Variants in UBE2E2 observed in about 807,000 individuals in gnomAD.
UBE2E2 encodes the protein ubiquitin conjugating enzyme E2 E2.
UBE2E2 carries 6 observed loss-of-function variants against 24.7 expected under a neutral mutation model. The ratio of observed to expected loss-of-function variants is 0.24; its 90% CI spans 0.13 to 0.48. UBE2E2 has a LOEUF of 0.48. Ranked by LOEUF, UBE2E2 falls within the 20% of genes least tolerant of loss-of-function variation. The pLI is 0.99. For synonymous variants in UBE2E2, 104 were observed against 83.6 expected (o/e 1.24, Z -1.33); for missense variants, 169 against 245.0 (o/e 0.69, Z 2.07).
intron 3 of UBE2E2, among the ~76,000 whole-genome samples, chr3:23,444,130 C>T (rs1698372786): frequency 6.8e-6 from 1 of 147,672 alleles, no homozygotes; most frequent in African/African-American, 2.6e-5. Context: ...ACTTATGTCC[C>T]TCAAATGTCT....
intron 3 of UBE2E2, among the ~76,000 whole-genome samples, chr3:23,263,059 T>C (rs1053674821): frequency 2.0e-5 from 3 of 152,114 alleles, no homozygotes; most frequent in African/African-American, 7.2e-5. Context: ...GAACAAGAGA[T>C]GGAGAGAAGG....
At chr3:23,265,222 T>A (rs1203435031) in intron 3 of UBE2E2, among the ~76,000 whole-genome samples, 2 of 152,132 alleles carry the variant, frequency 1.3e-5, no homozygotes, top group Non-Finnish European at 2.9e-5. Flanking sequence ...GCAGTAATGA[T>A]TGATGCTGCA....
At chr3:23,535,215 C>G (rs1695224263) in intron 5 of UBE2E2, among the ~76,000 whole-genome samples, 2 of 152,204 alleles carry the variant, frequency 1.3e-5, no homozygotes, top group South Asian at 4.1e-4. Flanking sequence ...GCCTAAATCA[C>G]TGGATTCCTC....
At chr3:23,388,430 G>A (rs1696857289) in intron 3 of UBE2E2, among the ~76,000 whole-genome samples, 1 of 152,184 alleles carries the variant, frequency 6.6e-6, no homozygotes, top group East Asian at 1.9e-4. Flanking sequence ...TAGACATAGA[G>A]AAGTTATCTC....
intron 5 of UBE2E2, among the ~76,000 whole-genome samples, chr3:23,539,727 G>C (rs1398440656): frequency 6.6e-6 from 1 of 151,984 alleles, no homozygotes; most frequent in Non-Finnish European, 1.5e-5. Flanking sequence ...ATCCATTTCA[G>C]GTTTCTGATT....
In UBE2E2 at chr3:23,450,937, A is replaced by T. The variant is rs1372597666; in HGVS notation, c.228-48671A>T. Among the ~76,000 whole-genome samples, 3 of 152,230 alleles carry T rather than the reference A, an allele frequency of 2.0e-5. No individual in the cohort carries two copies. The East Asian group carries it at 5.8e-4, about 29-fold the overall frequency. ...GGGTTACTGAAATTACAGATTAATTAAATTTGTAGTTTTACTGGCTGAGAA... is the reference window on the plus strand; with the variant it reads ...GGGTTACTGAAATTACAGATTAATTTAATTTGTAGTTTTACTGGCTGAGAA... On this transcript the variant is annotated intron_variant, in intron 3 of 5. Transcript: ENST00000396703.
chr3:23,293,560 G>A (rs1349403748), intron 3 of UBE2E2, among the ~76,000 whole-genome samples: 2 of 152,272 alleles, frequency 1.3e-5, no homozygotes, highest in African/African-American at 4.8e-5. Flanking sequence ...GTTATGTTAT[G>A]GAGACCTTAA....
At chr3:23,351,861 A>C (rs1289524274) in intron 3 of UBE2E2, among the ~76,000 whole-genome samples, 1 of 152,196 alleles carries the variant, frequency 6.6e-6, no homozygotes. Flanking sequence ...CAGGAATTGA[A>C]CTCAGCTCTG....
At chr3:23,210,465 A>G (rs1317005771) in intron 2 of UBE2E2, among the ~76,000 whole-genome samples, 2 of 152,216 alleles carry the variant, frequency 1.3e-5, no homozygotes, top group South Asian at 2.1e-4. Flanking sequence ...GTGATATGTC[A>G]AAGACCAAAT....
At position 23,499,869 on chromosome 3, in the gene UBE2E2, T is replaced by C. The variant is rs1171910947; in HGVS notation, c.360+129T>C. ...GTCACAGACAGCTTCCCAGGATTGA[T>C]AGTGTATAAAATGAAACAATGTAAA... is the stretch of plus-strand genomic sequence containing the variant. On this transcript the variant is annotated intron_variant, in intron 4 of 5. Coordinates refer to ENST00000396703, the MANE Select transcript of UBE2E2 (RefSeq NM_152653.4). 22 of 1,153,814 alleles carry C rather than the reference T, an allele frequency of 1.9e-5. No homozygotes were observed. In the East Asian group the frequency reaches 5.0e-4, roughly 26 times the overall value. 71.5% of individuals were successfully genotyped at this position (1,153,814 alleles called of 1,614,324 possible).
At position 23,208,586 on chromosome 3, in the gene UBE2E2, T is replaced by A. The variant is rs1031537731; in HGVS notation, c.-8-106T>A. 1.3e-5 allele frequency: 12 copies of A among 903,914 alleles called. No individual in the cohort carries two copies. In the African/African-American group the frequency reaches 1.6e-4, roughly 12 times the overall value. The allele number at this position is 903,914 out of a possible 1,614,324, so 56.0% of individuals were successfully genotyped here. ...TTTTGTAAATGACCAATTTAATCCA[T>A]TTTATATTGAGATTTACTTGTTTTA... is the stretch of plus-strand genomic sequence containing the variant. On this transcript the variant is annotated intron_variant, in intron 1 of 5. Transcript: ENST00000396703.
At chr3:23,303,382 T>C (rs1699154797) in intron 3 of UBE2E2, among the ~76,000 whole-genome samples, 3 of 152,084 alleles carry the variant, frequency 2.0e-5, no homozygotes, top group Admixed American at 2.0e-4. Context: ...CCCGGGTGTG[T>C]GGAAAAATTG....
chr3:23,529,896 T>G (rs1248663477), intron 4 of UBE2E2, among the ~76,000 whole-genome samples: 2 of 152,218 alleles, frequency 1.3e-5, no homozygotes, highest in Admixed American at 6.5e-5. Context: ...TCATTAAATA[T>G]CTGTCTTCCT....
intron 3 of UBE2E2, among the ~76,000 whole-genome samples, chr3:23,222,739 T>C (rs1433032386): frequency 6.6e-6 from 1 of 152,188 alleles, no homozygotes; most frequent in Non-Finnish European, 1.5e-5. Flanking sequence ...ATACCCAGTA[T>C]AGGAATTGCT....
chr3:23,307,088 A>G (rs1699255076), intron 3 of UBE2E2, among the ~76,000 whole-genome samples: 1 of 152,230 alleles, frequency 6.6e-6, no homozygotes, highest in African/African-American at 2.4e-5. Context: ...ATTCAAAGAA[A>G]TGTAAAGAGT....
intron 3 of UBE2E2, among the ~76,000 whole-genome samples, chr3:23,352,547 G>A (rs545378729): frequency 4.1e-4 from 62 of 152,148 alleles, no homozygotes; most frequent in African/African-American, 1.5e-3. Context: ...AATGATAAAG[G>A]GGATATCACC....
chr3:23,413,943 A>G (rs1341168550), intron 3 of UBE2E2, among the ~76,000 whole-genome samples: 3 of 152,184 alleles, frequency 2.0e-5, no homozygotes, highest in East Asian at 1.9e-4. Context: ...ATATATCTGT[A>G]TATCTTGGTT....
chr3:23,518,107 A>G (rs2125472169), intron 4 of UBE2E2, among the ~76,000 whole-genome samples: 1 of 152,200 alleles, frequency 6.6e-6, no homozygotes, highest in East Asian at 1.9e-4. Context: ...TTTTTAGGGC[A>G]GTAGTCTTAC....
At chr3:23,396,953 A>T (rs1380570923) in intron 3 of UBE2E2, among the ~76,000 whole-genome samples, 1 of 152,148 alleles carries the variant, frequency 6.6e-6, no homozygotes, top group Non-Finnish European at 1.5e-5. Flanking sequence ...TACCTGCTTT[A>T]AGTAGAGACT....
Sources: allele counts gnomAD v4.1 joint callset (sites outside exome capture counted in the v4.1 genomes callset), GRCh38; gene constraint gnomAD v4.1.1; transcripts MANE v1.5; gene names NCBI Gene and HGNC (gene_info 2026-07-23, HGNC 2026-07-21).